PTPRO: variants seen among roughly 807,000 people sequenced by gnomAD.
The protein encoded by PTPRO is protein tyrosine phosphatase receptor type O.
Under a neutral mutation model 145.2 loss-of-function variants are expected in PTPRO, and 62 were observed. The observed-to-expected ratio is 0.43, with a 90% CI of 0.35 to 0.53. The LOEUF (loss-of-function observed/expected upper bound fraction) is 0.53. PTPRO is among the 20% of genes least tolerant of loss of function. The pLI, the probability that PTPRO is intolerant of heterozygous loss-of-function variation, is 0.01. For missense variants in PTPRO, 1,345 were observed against 1,482.7 expected (o/e 0.91, Z 1.53); for synonymous variants, 565 against 514.7 (o/e 1.10, Z -1.32).
At chr12:15,491,669 T>C (rs1445033183) in intron 2 of PTPRO, among the ~76,000 whole-genome samples, 1 of 152,192 alleles carries the variant, frequency 6.6e-6, no homozygotes, top group Non-Finnish European at 1.5e-5. Context: ...TCCATTCTTC[T>C]TGTCATCCAC....
intron 1 of PTPRO, among the ~76,000 whole-genome samples, chr12:15,388,873 G>T (rs550991566): frequency 7.3e-4 from 110 of 151,170 alleles, no homozygotes; most frequent in African/African-American, 2.0e-3. Context: ...GTGATATCTG[G>T]TTTTTTTTAA....
intron 1 of PTPRO, among the ~76,000 whole-genome samples, chr12:15,364,709 A>T (rs867089668): frequency 6.6e-6 from 1 of 152,180 alleles, no homozygotes; most frequent in Non-Finnish European, 1.5e-5. Flanking sequence ...ACAGTGACAC[A>T]TGCCTGCCCC....
intron 1 of PTPRO, among the ~76,000 whole-genome samples, chr12:15,441,934 C>G (rs1940777975): frequency 6.6e-6 from 1 of 152,058 alleles, no homozygotes; most frequent in South Asian, 2.1e-4. Flanking sequence ...GTACAAAAAG[C>G]TGGTACCAAT....
chr12:15,362,384 A>G (rs1339520792), intron 1 of PTPRO, among the ~76,000 whole-genome samples: 4 of 152,228 alleles, frequency 2.6e-5, no homozygotes, highest in Non-Finnish European at 5.9e-5. Context: ...GGTTTTGTCC[A>G]AAAGTGTTGT....
chr12:15,368,112 G>T (rs557506867), intron 1 of PTPRO, among the ~76,000 whole-genome samples: 3 of 152,176 alleles, frequency 2.0e-5, no homozygotes, highest in African/African-American at 7.2e-5. Flanking sequence ...AACTCGCCAG[G>T]GTCTGGACTC....
rs891289871 is a variant in PTPRO, at chr12:15,376,607, A to C, written c.75+53806A>C. 3.9e-5 allele frequency among the ~76,000 whole-genome samples: 6 copies of C among 152,182 alleles called. No homozygotes were observed. The South Asian group carries it at 8.3e-4, about 21-fold the overall frequency. Reference sequence around the variant, plus strand: ...CACAAACTGGGTGGCTTAAACAACAAGTATTTGTTTCTCACAGTTCTGGAG... The same window carrying C: ...CACAAACTGGGTGGCTTAAACAACACGTATTTGTTTCTCACAGTTCTGGAG... On this transcript the variant is annotated intron_variant, in intron 1 of 26. Transcript: ENST00000281171.
chr12:15,414,203 G>A (rs1425095819), intron 1 of PTPRO, among the ~76,000 whole-genome samples: 1 of 152,198 alleles, frequency 6.6e-6, no homozygotes, highest in Non-Finnish European at 1.5e-5. Flanking sequence ...TTGCGTTAGA[G>A]GAGTGTTCTT....
At chr12:15,516,103 G>C (rs12322909) in intron 8 of PTPRO, among the ~76,000 whole-genome samples, 18,371 of 146,832 alleles carry the variant, frequency 0.13, 1,518 homozygotes, top group South Asian at 0.23. Context: ...CAATTCTCCT[G>C]CCTCAGCCTC....
intron 1 of PTPRO, among the ~76,000 whole-genome samples, chr12:15,359,448 G>T (rs1404269036): frequency 2.8e-5 from 3 of 106,224 alleles, no homozygotes; most frequent in Admixed American, 1.3e-4. Context: ...TTTTTGAGAT[G>T]GAGTCTCACT....
intron 15 of PTPRO, among the ~76,000 whole-genome samples, chr12:15,556,124 A>G (rs1184047550): frequency 6.6e-6 from 1 of 152,214 alleles, no homozygotes; most frequent in African/African-American, 2.4e-5. Flanking sequence ...ACATATGTTC[A>G]TAGAGTCCTA....
intron 1 of PTPRO, among the ~76,000 whole-genome samples, chr12:15,389,270 A>G (rs575908009): frequency 6.6e-6 from 1 of 151,646 alleles, no homozygotes. Context: ...TGCCTGGCTA[A>G]TTTTGTTTTT....
intron 7 of PTPRO, among the ~76,000 whole-genome samples, chr12:15,514,158 A>T (rs116709890): frequency 2.6e-4 from 39 of 152,152 alleles, no homozygotes; most frequent in East Asian, 2.5e-3. Context: ...AATTTTTTTT[A>T]AAAAAAGCAG....
At chr12:15,533,860 C>T (rs1339028138) in intron 12 of PTPRO, among the ~76,000 whole-genome samples, 1 of 152,132 alleles carries the variant, frequency 6.6e-6, no homozygotes, top group Non-Finnish European at 1.5e-5. Context: ...TTCAATTTAT[C>T]TATAATAGAG....
At chr12:15,525,214 C>G (rs556654550) in intron 11 of PTPRO, among the ~76,000 whole-genome samples, 1 of 152,144 alleles carries the variant, frequency 6.6e-6, no homozygotes, top group South Asian at 2.1e-4. Context: ...ATGATTTGAG[C>G]TTTTTCTTCA....
At chr12:15,482,423 A>G (rs1222245654) in intron 1 of PTPRO, among the ~76,000 whole-genome samples, 1 of 152,226 alleles carries the variant, frequency 6.6e-6, no homozygotes, top group South Asian at 2.1e-4. Context: ...ATGCAAAAGT[A>G]TACCTAGCCA....
chr12:15,430,731 CA>C (rs1227486324), intron 1 of PTPRO, among the ~76,000 whole-genome samples: 1 of 151,936 alleles, frequency 6.6e-6, no homozygotes, highest in Non-Finnish European at 1.5e-5. Flanking sequence ...GTGTTCCCAC[CA>C]CACACACAAA....
In PTPRO at chr12:15,516,878, T is replaced by C; in HGVS notation, c.1701T>C (p.Tyr567=). ...VFRKYVVEMF[Y]FNPATMTSEW... Reference sequence around the variant, plus strand: ...GAAAATACGTGGTTGAAATGTTTTATTTCAACCCTGCTACAATGACATCAG... The same window carrying C: ...GAAAATACGTGGTTGAAATGTTTTACTTCAACCCTGCTACAATGACATCAG... The change falls in exon 9 of 27, where the codon TAT becomes TAC. Residue 567 remains tyrosine (Y), a synonymous_variant. Coordinates refer to ENST00000281171, the MANE Select transcript of PTPRO (RefSeq NM_030667.3). 1 of 1,613,822 alleles carries C rather than the reference T, an allele frequency of 6.2e-7. No individual in the cohort carries two copies. The highest frequency in any genetic ancestry group is 8.5e-7 in the Non-Finnish European group (1 of 1,179,686).
chr12:15,505,300 T>G (rs763724564), intron 6 of PTPRO, among the ~76,000 whole-genome samples: 7 of 152,218 alleles, frequency 4.6e-5, no homozygotes, highest in Non-Finnish European at 8.8e-5. Context: ...CTAGATTTAT[T>G]TTATGTACAT....
At position 15,494,693 on chromosome 12, in the gene PTPRO, AT is replaced by A. The variant is rs1190892283; in HGVS notation, c.350-2550del. Among the ~76,000 whole-genome samples the A allele has an allele frequency of 3.3e-5, 5 of 151,872 alleles. No individual in the cohort carries two copies. The East Asian group carries it at 9.7e-4, about 30-fold the overall frequency. On this transcript the variant is annotated intron_variant, in intron 2 of 26. Transcript: ENST00000281171. Reference sequence around the variant, plus strand: ...TTAAGTAGCTTGTTGCAGAAAAAAAATTGGAAAATAAAATATCTGTTCTCTA... The same window carrying A: ...TTAAGTAGCTTGTTGCAGAAAAAAAATGGAAAATAAAATATCTGTTCTCTA...
Sources: allele counts gnomAD v4.1 joint callset (sites outside exome capture counted in the v4.1 genomes callset), GRCh38; gene constraint gnomAD v4.1.1; transcripts MANE v1.5; gene names NCBI Gene and HGNC (gene_info 2026-07-23, HGNC 2026-07-21).